ARIH2: variants seen among roughly 807,000 people sequenced by gnomAD.
ARIH2 encodes ariadne RBR E3 ubiquitin protein ligase 2.
In ARIH2, 12 loss-of-function variants were observed where a neutral mutation model predicts 79.8. The ratio of observed to expected loss-of-function variants is 0.15; its 90% CI spans 0.10 to 0.24. The LOEUF is 0.24. Ranked by LOEUF, ARIH2 falls within the 10% of genes least tolerant of loss-of-function variation. ARIH2 has a pLI of 1.00. For synonymous variants in ARIH2, 224 were observed against 213.9 expected, an observed-to-expected ratio of 1.05 and a Z score of -0.41; for missense variants, 301 against 618.3, an observed-to-expected ratio of 0.49 and a Z score of 5.44.
At chr3:48,973,334 T>C (rs1481775750) in intron 8 of ARIH2, among the ~76,000 whole-genome samples, 1 of 152,036 alleles carries the variant, frequency 6.6e-6, no homozygotes, top group Non-Finnish European at 1.5e-5. Flanking sequence ...TCCCAGCACT[T>C]TGGGAGGCCG....
At chr3:48,970,561 A>G in intron 7 of ARIH2, 34 bp from the exon 8 acceptor site, 1 of 1,417,092 alleles carries the variant, frequency 7.1e-7, no homozygotes, top group Non-Finnish European at 1.0e-6. Context: ...CAACTAAGAG[A>G]TGTCCTCATT....
chr3:48,933,103 G>A (rs1334285996), intron 3 of ARIH2, among the ~76,000 whole-genome samples: 7 of 152,192 alleles, frequency 4.6e-5, no homozygotes, highest in Admixed American at 1.3e-4. Flanking sequence ...TTGAGACAGC[G>A]CCTCACTCTG....
chr3:48,977,506 A>G (rs1272187473), intron 11 of ARIH2, among the ~76,000 whole-genome samples: 1 of 147,690 alleles, frequency 6.8e-6, no homozygotes, highest in Non-Finnish European at 1.5e-5. Flanking sequence ...CGCCTGGGCT[A>G]GAGTGCAGTG....
intron 3 of ARIH2, among the ~76,000 whole-genome samples, chr3:48,929,396 C>T (rs2086076091): frequency 6.6e-6 from 1 of 151,018 alleles, no homozygotes; most frequent in South Asian, 2.1e-4. Flanking sequence ...ATAAAATTTA[C>T]TGTTTTACAT....
chr3:48,922,983 G>A (rs1345705684), intron 2 of ARIH2, among the ~76,000 whole-genome samples, 172 bp downstream of exon 2: 4 of 152,102 alleles, frequency 2.6e-5, no homozygotes, highest in Admixed American at 2.0e-4. Flanking sequence ...TGAGGTGGGC[G>A]GATCACGAGG....
At chr3:48,973,884 AT>A in intron 9 of ARIH2, 68 bp downstream of exon 9, 1 of 1,242,588 alleles carries the variant, frequency 8.0e-7, no homozygotes, top group Non-Finnish European at 1.2e-6. Context: ...TGCCTTGGAG[AT>A]TTGCCATCTG....
chr3:48,982,170 C>T (rs1323235408), intron 14 of ARIH2, among the ~76,000 whole-genome samples: 1 of 152,110 alleles, frequency 6.6e-6, no homozygotes, highest in African/African-American at 2.4e-5. Flanking sequence ...TGTTTAAATG[C>T]TGGAAAACAG....
chr3:48,919,083 G>A, intron 1 of ARIH2, 85 bp downstream of exon 1: 1 of 1,276,572 alleles, frequency 7.8e-7, no homozygotes, highest in Non-Finnish European at 9.9e-7. Flanking sequence ...GGCCGGGCCG[G>A]GACTCCGCCT....
intron 3 of ARIH2, among the ~76,000 whole-genome samples, chr3:48,941,217 T>G (rs1231485882): frequency 6.6e-6 from 1 of 152,040 alleles, no homozygotes; most frequent in African/African-American, 2.4e-5. Flanking sequence ...AACATTCTCC[T>G]TTGAATGGCC....
rs2092425034 is a variant in ARIH2 at position 48,974,998 on chromosome 3, G to A, written c.961+19G>A. On this transcript the variant is annotated intron_variant, in intron 11 of 15. Coordinates refer to ENST00000356401, the MANE Select transcript of ARIH2 (RefSeq NM_006321.4). ...AAACACGGTGAGTTCCAAGCTTGGT[G>A]TGTAAGGCCCAGTGGCACTTTCTTG... 2 of 1,614,214 alleles carry A rather than the reference G, an allele frequency of 1.2e-6. No homozygotes were observed. Among genetic ancestry groups the A allele is most frequent in the Non-Finnish European group, 8.5e-7 (1 of 1,180,038 alleles).
intron 7 of ARIH2, among the ~76,000 whole-genome samples, chr3:48,970,092 A>G: frequency 6.6e-6 from 1 of 151,918 alleles, no homozygotes; most frequent in South Asian, 2.1e-4. Context: ...GGGTTTCACC[A>G]TGTTGGCCAG....
Position 48,968,579 on chromosome 3 carries a change from A to G in ARIH2, c.584A>G (p.Asp195Gly). ...AQDCPLRTPE[D>G]FVFPLLPNEE... is the part of the protein sequence containing the mutation. ...GACTGTCCACTCCGTACACCAGAGG[A>G]CTTTGTGTTTCCATTGCTTCCCAAT... The change falls in exon 7 of 16, where the codon GAC becomes GGC. Residue 195 changes from aspartate (D) to glycine (G), a missense_variant. By Grantham distance (94) the Asp-to-Gly change is moderately conservative. Coordinates refer to ENST00000356401, the MANE Select transcript of ARIH2 (RefSeq NM_006321.4). 6.2e-7 allele frequency: 1 copy of G among 1,611,822 alleles called. No homozygotes were observed. The highest frequency in any genetic ancestry group is 8.5e-7 in the Non-Finnish European group (1 of 1,178,444).
intron 3 of ARIH2, among the ~76,000 whole-genome samples, chr3:48,933,352 G>A (rs1576181581): frequency 6.6e-6 from 1 of 150,692 alleles, no homozygotes; most frequent in Admixed American, 6.6e-5. Flanking sequence ...TGGTAGAGAC[G>A]GGGTTTTGCC....
intron 3 of ARIH2, chr3:48,934,598 C>A (rs1303893486): frequency 1.0e-6 from 1 of 985,252 alleles, no homozygotes; most frequent in Non-Finnish European, 1.2e-6. Flanking sequence ...TAAATTCCTG[C>A]GTTTCAAATA....
At chr3:48,961,741 T>G in intron 4 of ARIH2, 62 bp downstream of exon 4, 1 of 1,141,708 alleles carries the variant, frequency 8.8e-7, no homozygotes, top group South Asian at 1.2e-5. Context: ...TGGTGATTAT[T>G]GTTTACATTT....
chr3:48,964,376 C>A (rs1288603188), intron 4 of ARIH2, among the ~76,000 whole-genome samples: 1 of 150,074 alleles, frequency 6.7e-6, no homozygotes, highest in East Asian at 2.0e-4. Flanking sequence ...AGTGCAATGG[C>A]ACAATCTCAG....
intron 3 of ARIH2, among the ~76,000 whole-genome samples, chr3:48,948,331 C>T (rs1374182053): frequency 6.7e-6 from 1 of 149,936 alleles, no homozygotes; most frequent in Non-Finnish European, 1.5e-5. Flanking sequence ...TGCAATGGCG[C>T]GATCTCGGCT....
intron 3 of ARIH2, among the ~76,000 whole-genome samples, chr3:48,931,959 A>T (rs985368937): frequency 6.6e-6 from 1 of 152,218 alleles, no homozygotes; most frequent in Non-Finnish European, 1.5e-5. Context: ...CAGTGAGCTG[A>T]GATCGTGTCA....
intron 3 of ARIH2, among the ~76,000 whole-genome samples, chr3:48,946,279 T>C (rs1030182714): frequency 9.9e-5 from 15 of 151,866 alleles, no homozygotes; most frequent in African/African-American, 3.6e-4. Context: ...GTTATTCATT[T>C]AAAAAACAGA....
Sources: gnomAD v4.1 joint callset for allele counts (sites outside exome capture counted in the v4.1 genomes callset) on GRCh38, gnomAD v4.1.1 for gene constraint, MANE v1.5 for transcripts, NCBI Gene and HGNC (gene_info 2026-07-23, HGNC 2026-07-21) for gene names.